Variants in EML4 observed in about 807,000 individuals in gnomAD.
EML4 encodes EMAP like 4.
In EML4, 72 loss-of-function variants were observed where a neutral mutation model predicts 129.0. The observed-to-expected ratio is 0.56, with a 90% confidence interval of 0.46 to 0.68. The LOEUF is 0.68. Ranked by LOEUF, EML4 falls within the 30% of genes least tolerant of loss-of-function variation. The pLI is 0.00. For missense variants in EML4, 1,363 were observed against 1,190.6 expected (o/e 1.14, Z -2.13); for synonymous variants, 532 against 405.0 (o/e 1.31, Z -3.77).
intron 1 of EML4, among the ~76,000 whole-genome samples, chr2:42,244,448 T>C (rs1675254048): frequency 6.6e-6 from 1 of 152,196 alleles, no homozygotes; most frequent in African/African-American, 2.4e-5. Context: ...ACAAATACAG[T>C]AGTATAGTCT....
chr2:42,176,441 A>G (rs1410221654), intron 1 of EML4, among the ~76,000 whole-genome samples: 1 of 152,162 alleles, frequency 6.6e-6, no homozygotes, highest in Non-Finnish European at 1.5e-5. Flanking sequence ...TAATGACTAC[A>G]TTCAAACATC....
rs1669736432 is a variant in EML4 at position 42,325,502 on chromosome 2, C to T, written c.2190C>T (p.Ser730=). Reference sequence around the variant, plus strand: ...GCTACATCACACACCTTGACTGGTCCCCAGACAACAAGTATATAATGTCTA... The same window carrying T: ...GCTACATCACACACCTTGACTGGTCTCCAGACAACAAGTATATAATGTCTA... ...HSSYITHLDW[S]PDNKYIMSNS... Residue 730 remains serine, a synonymous_variant, in exon 20 of 23, where the codon TCC becomes TCT. Transcript: ENST00000318522. 2 of 1,584,042 alleles carry T rather than the reference C, an allele frequency of 1.3e-6. No homozygotes were observed. Among genetic ancestry groups the T allele is most frequent in the African/African-American group, 1.3e-5 (1 of 74,136 alleles).
intron 1 of EML4, among the ~76,000 whole-genome samples, chr2:42,171,775 A>T (rs1670295524): frequency 6.6e-6 from 1 of 152,184 alleles, no homozygotes; most frequent in Non-Finnish European, 1.5e-5. Flanking sequence ...CTTGATGAAG[A>T]TACTTCTCAG....
chr2:42,228,163 G>T (rs1572583490), intron 1 of EML4, among the ~76,000 whole-genome samples: 1 of 151,974 alleles, frequency 6.6e-6, no homozygotes, highest in African/African-American at 2.4e-5. Flanking sequence ...CAAGGTTGCA[G>T]TGAGCCAAGA....
At chr2:42,323,592 T>C (rs1669634605) in intron 19 of EML4, among the ~76,000 whole-genome samples, 1 of 152,184 alleles carries the variant, frequency 6.6e-6, no homozygotes, top group Non-Finnish European at 1.5e-5. Context: ...ATTGTTCTAA[T>C]GTAAATCATT....
chr2:42,227,556 G>A lies in EML4; in HGVS notation c.26-17949G>A, dbSNP rs148166652. 2.2e-3 allele frequency among the ~76,000 whole-genome samples: 316 copies of A among 144,510 alleles called. 2 individuals are homozygous for A. The highest frequency in any genetic ancestry group is 7.7e-3 in the African/African-American group (299 of 38,718). 94.8% of individuals were successfully genotyped at this position (144,510 alleles called of 152,430 possible). On this transcript the variant is annotated intron_variant, in intron 1 of 22. Coordinates refer to ENST00000318522, the MANE Select transcript of EML4 (RefSeq NM_019063.5). Reference sequence around the variant, plus strand: ...TTCTGGTCCAGCAACTCAATTTTGTGTGACATATTGCAATATATATGCCCT... The same window carrying A: ...TTCTGGTCCAGCAACTCAATTTTGTATGACATATTGCAATATATATGCCCT...
chr2:42,178,012 T>C (rs898311859), intron 1 of EML4, among the ~76,000 whole-genome samples: 1 of 152,192 alleles, frequency 6.6e-6, no homozygotes, highest in Non-Finnish European at 1.5e-5. Flanking sequence ...GGTGGAAAGG[T>C]TGACATACAT....
At chr2:42,288,570 A>G (rs553699032) in intron 11 of EML4, 2 of 226,178 alleles carry the variant, frequency 8.8e-6, no homozygotes, top group Non-Finnish European at 1.7e-5. Flanking sequence ...CTGAAATGCC[A>G]GAGTAGATGG....
rs1670096599 is a variant in EML4 at position 42,331,479 on chromosome 2, A to G, written c.*1272A>G. 2 of 223,300 alleles carry G rather than the reference A, an allele frequency of 9.0e-6. No individual in the cohort carries two copies. Among genetic ancestry groups the G allele is most frequent in the Non-Finnish European group, 1.8e-5 (2 of 111,634 alleles). 13.8% of individuals were successfully genotyped at this position (223,300 alleles called of 1,614,324 possible). ...CTACTTTAAGAGTAATTACTGACAA[A>G]TATGTATTTCCTATATGTTTATACT... On this transcript the variant is annotated 3_prime_UTR_variant, in exon 23 of 23. Transcript: ENST00000318522.
intron 1 of EML4, among the ~76,000 whole-genome samples, chr2:42,193,639 T>C (rs1029471290): frequency 1.3e-5 from 2 of 152,210 alleles, no homozygotes; most frequent in Admixed American, 1.3e-4. Flanking sequence ...CTTTTAAGTT[T>C]TCACTTTTGT....
At chr2:42,171,432 C>T (rs1251009690) in intron 1 of EML4, among the ~76,000 whole-genome samples, 2 of 152,204 alleles carry the variant, frequency 1.3e-5, no homozygotes, top group Admixed American at 6.5e-5. Flanking sequence ...GAGTCTTTCT[C>T]ACCAGTTGGG....
At position 42,263,171 on chromosome 2, in the gene EML4, C is replaced by G; in HGVS notation, c.513-7C>G. On this transcript the variant is annotated splice_region_variant and splice_polypyrimidine_tract_variant and intron_variant, in intron 4 of 22. Coordinates refer to ENST00000318522, the MANE Select transcript of EML4 (RefSeq NM_019063.5). ...ATTTTTCTCTAAGAAATTAATGTTC[C>G]TTCTAGCATAAAACGACCATCACCA... The G allele has an allele frequency of 1.2e-6, 2 of 1,605,266 alleles. No homozygotes were observed. The highest frequency in any genetic ancestry group is 2.7e-5 in the African/African-American group (2 of 74,346).
At chr2:42,272,322 C>G (rs144232337) in intron 6 of EML4, among the ~76,000 whole-genome samples, 3 of 152,258 alleles carry the variant, frequency 2.0e-5, no homozygotes, top group African/African-American at 7.2e-5. Flanking sequence ...AACAGTTTCA[C>G]CAAAAATATT....
At chr2:42,312,911 G>C (rs1319820555) in intron 17 of EML4, among the ~76,000 whole-genome samples, 1 of 144,534 alleles carries the variant, frequency 6.9e-6, no homozygotes, top group Non-Finnish European at 1.5e-5. Context: ...CTACCTTCAA[G>C]TTGTCCTGCC....
At chr2:42,228,127 A>G (rs1397560121) in intron 1 of EML4, among the ~76,000 whole-genome samples, 2 of 152,052 alleles carry the variant, frequency 1.3e-5, no homozygotes, top group Non-Finnish European at 2.9e-5. Context: ...AGGCTGAGGT[A>G]TGAGAATTGC....
chr2:42,316,798 T>G (rs529582648), intron 18 of EML4, among the ~76,000 whole-genome samples: 18 of 152,350 alleles, frequency 1.2e-4, no homozygotes, highest in South Asian at 4.1e-4. Context: ...GAGAGTAGTA[T>G]TCTTTAAATT....
chr2:42,297,169 G>A (rs1668005619), intron 13 of EML4, among the ~76,000 whole-genome samples: 1 of 152,078 alleles, frequency 6.6e-6, no homozygotes, highest in Non-Finnish European at 1.5e-5. Context: ...AAAAAATAGA[G>A]TTACAACAAC....
At chr2:42,281,110 C>A in intron 7 of EML4, 137 bp downstream of exon 7, 1 of 738,510 alleles carries the variant, frequency 1.4e-6, no homozygotes, top group Non-Finnish European at 2.1e-6. Flanking sequence ...AAGGAAACAT[C>A]AGGCCAGGCG....
At position 42,295,479 on chromosome 2, in the gene EML4, AACT is replaced by A. The variant is rs766560961; in HGVS notation, c.1456_1458del (p.Thr486del). On this transcript the variant is annotated inframe_deletion, in exon 13 of 23. Coordinates refer to ENST00000318522, the MANE Select transcript of EML4 (RefSeq NM_019063.5). Reference sequence around the variant, plus strand: ...GTGGAGTCATGCTTATATGGAGCAAAACTACTGTAGAGCCCACACCTGGGAAAG... The same window carrying A: ...GTGGAGTCATGCTTATATGGAGCAAAACTGTAGAGCCCACACCTGGGAAAG... 1 of 1,613,976 alleles carries A rather than the reference AACT, an allele frequency of 6.2e-7. No homozygotes were observed. Among genetic ancestry groups the A allele is most frequent in the Non-Finnish European group, 8.5e-7 (1 of 1,179,930 alleles).
Sources: allele counts gnomAD v4.1 joint callset (sites outside exome capture counted in the v4.1 genomes callset), GRCh38; gene constraint gnomAD v4.1.1; transcripts MANE v1.5; gene names NCBI Gene and HGNC (gene_info 2026-07-23, HGNC 2026-07-21).